Variants in SETDB1 observed in about 807,000 individuals in gnomAD.
The protein encoded by SETDB1 is SET domain bifurcated histone lysine methyltransferase 1.
SETDB1 carries 31 observed loss-of-function variants against 137.4 expected under a neutral mutation model. That is an observed-to-expected ratio of 0.23 (90% CI 0.17 to 0.30). The LOEUF is 0.30. Ranked by LOEUF, SETDB1 falls within the 10% of genes least tolerant of loss-of-function variation. The pLI is 1.00. For synonymous variants in SETDB1, 548 were observed against 579.9 expected (o/e 0.95, Z 0.79); for missense variants, 1,113 against 1,631.5 (o/e 0.68, Z 5.47).
At chr1:150,927,402 A>G (rs1237301670) in intron 1 of SETDB1, among the ~76,000 whole-genome samples, 2 of 152,184 alleles carry the variant, frequency 1.3e-5, no homozygotes, top group Non-Finnish European at 2.9e-5. Flanking sequence ...CTGAGATTAC[A>G]GGTGTAAGCC....
intron 14 of SETDB1, among the ~76,000 whole-genome samples, chr1:150,955,731 G>T (rs1670615931): frequency 6.6e-6 from 1 of 152,124 alleles, no homozygotes; most frequent in African/African-American, 2.4e-5. Context: ...TGAGGGCAAG[G>T]ATCTTATCTG....
In SETDB1 at chr1:150,961,144, G is replaced by A. The variant is rs777392488; in HGVS notation, c.3085G>A (p.Gly1029Arg). The A allele has an allele frequency of 9.9e-6, 16 of 1,613,944 alleles. No individual in the cohort carries two copies. The highest frequency in any genetic ancestry group is 3.3e-5 in the Admixed American group (2 of 59,998). Residue 1029 changes from glycine to arginine, a missense_variant, in exon 16 of 22, where the codon GGA becomes AGA. By Grantham distance (125) the Gly-to-Arg change is moderately radical. Coordinates refer to ENST00000692827, the MANE Select transcript of SETDB1 (RefSeq NM_001366418.1). ...RMEAEKASTS[G>R]LGIKDEGDIK... ...GGAGGCTGAGAAGGCCTCCACCTCA[G>A]GACTAGGCATCAAGGATGAGGGAGA...
intron 10 of SETDB1, among the ~76,000 whole-genome samples, chr1:150,947,776 GAAAC>G (rs1300800660): frequency 3.3e-5 from 5 of 152,168 alleles, no homozygotes; most frequent in Non-Finnish European, 4.4e-5. Context: ...CCCTGTCTCA[GAAAC>G]AAACAAAAAA....
rs1443374937 is a variant in SETDB1 at position 150,964,561 on chromosome 1, G to A, written c.*197G>A. The stretch of plus-strand genomic sequence containing the variant: ...CAGGATCCCTTCTCCACCTCCAAAG[G>A]CCCTAAAGGGTGGGGAGAGATCACC... On this transcript the variant is annotated 3_prime_UTR_variant, in exon 22 of 22. Transcript: ENST00000692827. 1.4e-6 allele frequency: 1 copy of A among 701,232 alleles called. No homozygotes were observed. The highest frequency in any genetic ancestry group is 2.0e-5 in the Admixed American group (1 of 49,930). 43.4% of individuals were successfully genotyped at this position (701,232 alleles called of 1,614,324 possible). A position where few individuals can be genotyped will look rare whatever the true frequency, so the allele number is the denominator to read the frequency against.
At chr1:150,951,832 G>A (rs1217878257) in intron 14 of SETDB1, among the ~76,000 whole-genome samples, 1 of 152,086 alleles carries the variant, frequency 6.6e-6, no homozygotes, top group Admixed American at 6.6e-5. Context: ...GATTACATAG[G>A]GCTTTGTAAA....
At chr1:150,928,603 T>G (rs1356996089) in intron 2 of SETDB1, among the ~76,000 whole-genome samples, 1 of 152,210 alleles carries the variant, frequency 6.6e-6, no homozygotes, top group African/African-American at 2.4e-5. Flanking sequence ...TAGTTGTCAC[T>G]TAGAATACAT....
chr1:150,941,068 C>T (rs1050678532), intron 4 of SETDB1, among the ~76,000 whole-genome samples: 2 of 151,846 alleles, frequency 1.3e-5, no homozygotes, highest in Non-Finnish European at 2.9e-5. Flanking sequence ...GAGGCTGAGG[C>T]AGGAGAATCG....
intron 6 of SETDB1, 65 bp from the exon 7 acceptor site, chr1:150,942,787 T>C: frequency 6.3e-7 from 1 of 1,598,710 alleles, no homozygotes; most frequent in Non-Finnish European, 8.6e-7. Flanking sequence ...GTCTCTCACA[T>C]AGCAGCCTGG....
chr1:150,928,261 G>T (rs1669603460), intron 2 of SETDB1: 1 of 392,604 alleles, frequency 2.5e-6, no homozygotes, highest in Non-Finnish European at 4.7e-6. Context: ...GTTTCACCAT[G>T]TTGGCCAGGC....
At chr1:150,929,405 C>A (rs1194109340) in intron 2 of SETDB1, among the ~76,000 whole-genome samples, 3 of 150,314 alleles carry the variant, frequency 2.0e-5, no homozygotes, top group African/African-American at 7.3e-5. Flanking sequence ...TAGACAGAGA[C>A]TTGCTCTGTC....
intron 12 of SETDB1, 105 bp from the exon 13 acceptor site, chr1:150,950,353 A>C: frequency 1.2e-5 from 11 of 929,698 alleles, no homozygotes; most frequent in East Asian, 2.4e-5. Context: ...CTTCAGGAGC[A>C]CAGCTGTTTG....
At position 150,939,922 on chromosome 1, in the gene SETDB1, A is replaced by G. The variant is rs1670079343; in HGVS notation, c.413-18A>G. On this transcript the variant is annotated intron_variant, in intron 3 of 21. Coordinates refer to ENST00000692827, the MANE Select transcript of SETDB1 (RefSeq NM_001366418.1). ...TGTGTAAGTCTCTGACACTCATTAG[A>G]GTTCTTCTCGTCCATAGGTGATGCT... The G allele has an allele frequency of 6.2e-7, 1 of 1,605,110 alleles. No homozygotes were observed. The highest frequency in any genetic ancestry group is 1.3e-5 in the African/African-American group (1 of 74,620).
At chr1:150,956,541 G>T (rs1445376102) in intron 14 of SETDB1, among the ~76,000 whole-genome samples, 1 of 152,166 alleles carries the variant, frequency 6.6e-6, no homozygotes, top group East Asian at 1.9e-4. Flanking sequence ...GTAAACAGAG[G>T]ATATTAACAT....
chr1:150,948,451 A>T (rs1000052516), intron 10 of SETDB1, among the ~76,000 whole-genome samples: 4 of 151,850 alleles, frequency 2.6e-5, no homozygotes, highest in Non-Finnish European at 2.9e-5. Flanking sequence ...TTGTATTGTT[A>T]GTAGAGACGG....
chr1:150,926,817 G>A lies in SETDB1; in HGVS notation c.-12+300G>A, dbSNP rs375624421. 5.2e-5 allele frequency: 28 copies of A among 533,442 alleles called. No homozygotes were observed. In the East Asian group the frequency reaches 5.4e-4, roughly 10 times the overall value. 33.0% of individuals were successfully genotyped at this position (533,442 alleles called of 1,614,324 possible). A position where few individuals can be genotyped will look rare whatever the true frequency, so the allele number is the denominator to read the frequency against. On this transcript the variant is annotated intron_variant, in intron 1 of 21. Transcript: ENST00000692827. ...TGGATTGTGGATATTAGGTACCCACGTTTTATTCCCAGGTTGCTTTACTTC... is the reference window on the plus strand; with the variant it reads ...TGGATTGTGGATATTAGGTACCCACATTTTATTCCCAGGTTGCTTTACTTC...
chr1:150,947,527 T>G (rs1455922283), intron 10 of SETDB1, among the ~76,000 whole-genome samples: 1 of 151,986 alleles, frequency 6.6e-6, no homozygotes, highest in Non-Finnish European at 1.5e-5. Context: ...TCCCAACACT[T>G]TAGGAAGCTG....
chr1:150,951,242 C>A, intron 13 of SETDB1, 123 bp from the exon 14 acceptor site: 1 of 1,126,550 alleles, frequency 8.9e-7, no homozygotes, highest in Non-Finnish European at 1.3e-6. Flanking sequence ...TCCATGAAAG[C>A]TATGAGGTAG....
intron 15 of SETDB1, 58 bp downstream of exon 15, chr1:150,959,405 C>A: frequency 2.1e-6 from 3 of 1,399,278 alleles, no homozygotes; most frequent in Non-Finnish European, 3.0e-6. Flanking sequence ...GGGAATTGAA[C>A]CAGAGACAAA....
chr1:150,948,517 C>G (rs753146167), intron 10 of SETDB1, among the ~76,000 whole-genome samples: 1 of 151,888 alleles, frequency 6.6e-6, no homozygotes, highest in South Asian at 2.1e-4. Context: ...GTGATCTGCC[C>G]GCCTCAGCCT....
Sources: allele counts gnomAD v4.1 joint callset (sites outside exome capture counted in the v4.1 genomes callset), GRCh38; gene constraint gnomAD v4.1.1; transcripts MANE v1.5; gene names NCBI Gene and HGNC (gene_info 2026-07-23, HGNC 2026-07-21).